DGCR2: variants seen among roughly 807,000 people sequenced by gnomAD.
DGCR2 encodes integral membrane protein DGCR2/IDD.
DGCR2 carries 24 observed loss-of-function variants against 51.6 expected under a neutral mutation model. That is an observed-to-expected ratio of 0.47 (90% CI 0.34 to 0.65). DGCR2 has a LOEUF of 0.65. DGCR2 is among the 30% of genes least tolerant of loss of function. The pLI is 0.01. For missense variants in DGCR2, 765 were observed against 772.1 expected (o/e 0.99, Z 0.11); for synonymous variants, 340 against 315.4 (o/e 1.08, Z -0.82).
intron 6 of DGCR2, among the ~76,000 whole-genome samples, chr22:19,053,213 G>A (rs1003443586): frequency 6.6e-6 from 1 of 152,216 alleles, no homozygotes; most frequent in Admixed American, 6.5e-5. Context: ...AAGCACTTGT[G>A]AAGGCTCCAC....
chr22:19,118,184 C>T (rs572610798), intron 1 of DGCR2, among the ~76,000 whole-genome samples: 1 of 152,066 alleles, frequency 6.6e-6, no homozygotes, highest in Admixed American at 6.5e-5. Context: ...GCCTACATGG[C>T]CAACATGGTG....
At chr22:19,097,108 G>A (rs1019853229) in intron 1 of DGCR2, among the ~76,000 whole-genome samples, 7 of 151,972 alleles carry the variant, frequency 4.6e-5, no homozygotes, top group Admixed American at 1.3e-4. Flanking sequence ...AAAAGCAAAC[G>A]TCAGCCAAGT....
Position 19,095,264 on chromosome 22 carries a change from A to G in DGCR2, c.80-5774T>C, listed in dbSNP as rs565931801. 2.3e-3 allele frequency among the ~76,000 whole-genome samples: 351 copies of G among 152,292 alleles called. 5 individuals carry two copies. Among genetic ancestry groups the G allele is most frequent in the East Asian group, 6.2e-3 (32 of 5,188 alleles). The stretch of plus-strand genomic sequence containing the variant: ...ATAATCCCAGCTATTCAGGAGGCTG[A>G]GGCAGGAGAATCGCTTGAACTTGGG... On this transcript the variant is annotated intron_variant, in intron 1 of 9. Coordinates refer to ENST00000263196, the MANE Select transcript of DGCR2 (RefSeq NM_005137.3).
chr22:19,065,312 T>A, intron 3 of DGCR2: 1 of 522,084 alleles, frequency 1.9e-6, no homozygotes. Flanking sequence ...ATCTTTTAAT[T>A]TATTCACTAG....
At chr22:19,076,327 A>T (rs1288142096) in intron 2 of DGCR2, among the ~76,000 whole-genome samples, 4 of 147,832 alleles carry the variant, frequency 2.7e-5, no homozygotes, top group African/African-American at 1.1e-4. Flanking sequence ...TACTCGGCTA[A>T]TTTTTTTTTA....
At chr22:19,106,853 A>C (rs528616467) in intron 1 of DGCR2, among the ~76,000 whole-genome samples, 1 of 151,866 alleles carries the variant, frequency 6.6e-6, no homozygotes, top group Admixed American at 6.6e-5. Flanking sequence ...CTGACTCCCT[A>C]GAGGACCAGG....
At position 19,036,530 on chromosome 22, in the gene DGCR2, G is replaced by C. The variant is rs541273673; in HGVS notation, c.*2335C>G. On this transcript the variant is annotated 3_prime_UTR_variant, in exon 10 of 10. Coordinates refer to ENST00000263196, the MANE Select transcript of DGCR2 (RefSeq NM_005137.3). ...CCCCTGGAGCACAAGGTTCAGCAAG[G>C]GTGACCCCGGGACTTGCTGGTCAGA... 25 of 152,578 alleles carry C rather than the reference G, an allele frequency of 1.6e-4. No homozygotes were observed. Among genetic ancestry groups the C allele is most frequent in the African/African-American group, 5.1e-4 (21 of 41,562 alleles). 9.5% of individuals were successfully genotyped at this position (152,578 alleles called of 1,614,324 possible).
At chr22:19,100,134 G>T (rs1202928476) in intron 1 of DGCR2, among the ~76,000 whole-genome samples, 1 of 152,016 alleles carries the variant, frequency 6.6e-6, no homozygotes, top group Non-Finnish European at 1.5e-5. Context: ...GCTGGACGTG[G>T]TGGCACACAC....
intron 1 of DGCR2, among the ~76,000 whole-genome samples, chr22:19,098,096 G>A (rs1341215854): frequency 6.6e-6 from 1 of 151,824 alleles, no homozygotes; most frequent in Non-Finnish European, 1.5e-5. Flanking sequence ...AAAAAAAATA[G>A]TTATCAAAAG....
chr22:19,065,042 C>T lies in DGCR2; in HGVS notation c.354G>A (p.Gly118=). 2 of 1,613,980 alleles carry T rather than the reference C, an allele frequency of 1.2e-6. No individual in the cohort carries two copies. Among genetic ancestry groups the T allele is most frequent in the African/African-American group, 1.3e-5 (1 of 75,054 alleles). ...TGGCCGTGCCTTCGTAGTGGTGCCA[C>T]CCTGTCGGGCACTTCCCTAGGAAAC... is the stretch of plus-strand genomic sequence containing the variant. ...FSSFLGKCPT[G]WHHYEGTASC... is the part of the protein sequence containing the mutation. Residue 118 remains glycine (G), a synonymous_variant, in exon 4 of 10, where the codon GGG becomes GGA. Coordinates refer to ENST00000263196, the MANE Select transcript of DGCR2 (RefSeq NM_005137.3).
chr22:19,072,552 C>T (rs970136707), intron 2 of DGCR2, among the ~76,000 whole-genome samples: 1 of 152,128 alleles, frequency 6.6e-6, no homozygotes, highest in African/African-American at 2.4e-5. Flanking sequence ...TTCTACTGTA[C>T]TCATGAAACA....
At chr22:19,097,527 G>A (rs1399111338) in intron 1 of DGCR2, among the ~76,000 whole-genome samples, 1 of 152,104 alleles carries the variant, frequency 6.6e-6, no homozygotes, top group Admixed American at 6.6e-5. Flanking sequence ...ACTCCAGCCT[G>A]GGCGACAGAG....
Position 19,059,221 on chromosome 22 carries a change from C to T in DGCR2, c.626-2059G>A, listed in dbSNP as rs1277609771. Among the ~76,000 whole-genome samples, 8 of 152,062 alleles carry T rather than the reference C, an allele frequency of 5.3e-5. No individual in the cohort carries two copies. In the South Asian group the frequency reaches 1.0e-3, roughly 20 times the overall value. Reference sequence around the variant, plus strand: ...AGGGAGCAGAGGTGAAAAGGACCCCCAGCAGCTGTGTGAGGAGCGGTGGGG... The same window carrying T: ...AGGGAGCAGAGGTGAAAAGGACCCCTAGCAGCTGTGTGAGGAGCGGTGGGG... On this transcript the variant is annotated intron_variant, in intron 5 of 9. Transcript: ENST00000263196.
chr22:19,069,226 C>A (rs1284501448), intron 2 of DGCR2, among the ~76,000 whole-genome samples: 1 of 152,216 alleles, frequency 6.6e-6, no homozygotes, highest in African/African-American at 2.4e-5. Context: ...CTCGGCTCCC[C>A]AAGGGAGGTC....
At chr22:19,120,753 G>GT (rs1309599865) in intron 1 of DGCR2, among the ~76,000 whole-genome samples, 4 of 152,124 alleles carry the variant, frequency 2.6e-5, no homozygotes, top group South Asian at 2.1e-4. Context: ...GTACATATAT[G>GT]TTTTCTAAAG....
At chr22:19,058,462 G>T (rs1333238364) in intron 5 of DGCR2, among the ~76,000 whole-genome samples, 3 of 152,042 alleles carry the variant, frequency 2.0e-5, no homozygotes, top group Admixed American at 6.5e-5. Flanking sequence ...CCACCATCAC[G>T]CTGTGCACCA....
chr22:19,055,441 G>C (rs968178998), intron 6 of DGCR2, among the ~76,000 whole-genome samples: 8 of 152,150 alleles, frequency 5.3e-5, no homozygotes, highest in African/African-American at 1.9e-4. Context: ...ATTCTAAGTT[G>C]AGAAGACAAG....
At chr22:19,060,805 G>A (rs750797781) in intron 5 of DGCR2, 3 of 488,600 alleles carry the variant, frequency 6.1e-6, no homozygotes, top group Non-Finnish European at 1.2e-5. Context: ...CTCACAGGCT[G>A]GTGTGGGCCT....
chr22:19,077,919 T>G (rs756473857), intron 2 of DGCR2, among the ~76,000 whole-genome samples: 1 of 151,954 alleles, frequency 6.6e-6, no homozygotes, highest in Admixed American at 6.6e-5. Context: ...ATCTTCACGT[T>G]CTGGGTTCAA....
Sources: allele counts gnomAD v4.1 joint callset (sites outside exome capture counted in the v4.1 genomes callset), GRCh38; gene constraint gnomAD v4.1.1; transcripts MANE v1.5; gene names NCBI Gene and HGNC (gene_info 2026-07-23, HGNC 2026-07-21).